Variants in RBFOX1 observed in about 807,000 individuals in gnomAD.
RBFOX1 encodes the protein RNA binding protein fox-1 homolog 1.
In RBFOX1, 8 loss-of-function variants were observed where a neutral mutation model predicts 57.7. The ratio of observed to expected loss-of-function variants is 0.14; its 90% CI spans 0.08 to 0.25. The LOEUF is 0.25. RBFOX1 is among the 10% of genes least tolerant of loss of function. RBFOX1 has a pLI of 1.00. For missense variants in RBFOX1, 611 were observed against 548.5 expected (o/e 1.11, Z -1.14); for synonymous variants, 326 against 222.4 (o/e 1.47, Z -4.15).
At chr16:6,819,363 C>G (rs926897845) in intron 3 of RBFOX1, among the ~76,000 whole-genome samples, 1 of 152,146 alleles carries the variant, frequency 6.6e-6, no homozygotes, top group Non-Finnish European at 1.5e-5. Flanking sequence ...AGTGAACACA[C>G]ACACACATCC....
chr16:7,149,513 G>T (rs912088358), intron 4 of RBFOX1, among the ~76,000 whole-genome samples: 3 of 134,576 alleles, frequency 2.2e-5, no homozygotes, highest in Admixed American at 1.6e-4. Context: ...CCCCGACAGG[G>T]TCTCATTCTA....
intron 4 of RBFOX1, among the ~76,000 whole-genome samples, chr16:6,013,502 C>T (rs1203704717): frequency 6.6e-6 from 1 of 152,096 alleles, no homozygotes; most frequent in Non-Finnish European, 1.5e-5. Flanking sequence ...GATTCTAAGC[C>T]TGGCTACATG....
chr16:7,624,823 T>G (rs2142227142), intron 10 of RBFOX1, among the ~76,000 whole-genome samples: 1 of 152,290 alleles, frequency 6.6e-6, no homozygotes, highest in Admixed American at 6.5e-5. Context: ...AGAGGTTTGT[T>G]GAGGTGATAC....
At chr16:7,437,202 CACAA>C (rs762476039) in intron 4 of RBFOX1, among the ~76,000 whole-genome samples, 2 of 151,970 alleles carry the variant, frequency 1.3e-5, no homozygotes, top group Admixed American at 6.6e-5. Flanking sequence ...AGTTCACAAT[CACAA>C]ACAAACATAC....
intron 4 of RBFOX1, among the ~76,000 whole-genome samples, chr16:7,141,982 C>T (rs2073902708): frequency 7.0e-6 from 1 of 142,328 alleles, no homozygotes; most frequent in Admixed American, 7.6e-5. Context: ...TCCTTCTTCT[C>T]CATCTTCTCC....
intron 3 of RBFOX1, among the ~76,000 whole-genome samples, chr16:5,795,676 A>G (rs2054853624): frequency 6.6e-6 from 1 of 152,118 alleles, no homozygotes; most frequent in Non-Finnish European, 1.5e-5. Context: ...TAACTCAAAT[A>G]TCATTTCTTC....
chr16:6,620,123 G>T (rs1224568866), intron 2 of RBFOX1, among the ~76,000 whole-genome samples: 1 of 152,036 alleles, frequency 6.6e-6, no homozygotes, highest in Admixed American at 6.6e-5. Flanking sequence ...TAGGCATTTA[G>T]GTTAAACTGA....
chr16:6,676,909 C>G (rs1426643104), intron 3 of RBFOX1, among the ~76,000 whole-genome samples: 1 of 151,972 alleles, frequency 6.6e-6, no homozygotes, highest in Non-Finnish European at 1.5e-5. Context: ...CCCTTGACCT[C>G]AGGTGATCTG....
At chr16:7,265,113 TAA>T (rs2095076103) in intron 4 of RBFOX1, among the ~76,000 whole-genome samples, 1 of 152,262 alleles carries the variant, frequency 6.6e-6, no homozygotes, top group South Asian at 2.1e-4. Context: ...GAATTACTAA[TAA>T]AGACTAGACT....
At chr16:6,916,937 C>T (rs1232517371) in intron 3 of RBFOX1, among the ~76,000 whole-genome samples, 2 of 152,156 alleles carry the variant, frequency 1.3e-5, no homozygotes, top group African/African-American at 4.8e-5. Context: ...GCAACCTCCA[C>T]CTTCCAGGTT....
At chr16:6,494,751 G>A (rs1167889625) in intron 2 of RBFOX1, among the ~76,000 whole-genome samples, 2 of 152,146 alleles carry the variant, frequency 1.3e-5, no homozygotes, top group Non-Finnish European at 2.9e-5. Context: ...TCAATATGTT[G>A]CACCCATTGG....
At chr16:7,704,373 C>G (rs1393687929) in intron 14 of RBFOX1, among the ~76,000 whole-genome samples, 1 of 152,140 alleles carries the variant, frequency 6.6e-6, no homozygotes. Context: ...TGCAAACTCA[C>G]AGAAATGATG....
chr16:5,598,201 G>A (rs1198793648), intron 2 of RBFOX1, among the ~76,000 whole-genome samples: 2 of 150,836 alleles, frequency 1.3e-5, no homozygotes, highest in Non-Finnish European at 2.9e-5. Flanking sequence ...GGGAGGTTGA[G>A]TGACAGAGGG....
chr16:7,113,760 T>C (rs542950752), intron 4 of RBFOX1, among the ~76,000 whole-genome samples: 1 of 152,294 alleles, frequency 6.6e-6, no homozygotes, highest in East Asian at 1.9e-4. Context: ...TGTTCTCTTT[T>C]TTTTGTATAT....
chr16:5,337,763 A>G (rs892215620), intron 1 of RBFOX1, among the ~76,000 whole-genome samples: 15 of 152,190 alleles, frequency 9.9e-5, no homozygotes, highest in African/African-American at 3.4e-4. Flanking sequence ...CATTGACTGA[A>G]GGTAGAAACT....
At chr16:7,465,055 C>G (rs1803840047) in intron 4 of RBFOX1, among the ~76,000 whole-genome samples, 1 of 152,038 alleles carries the variant, frequency 6.6e-6, no homozygotes, top group Non-Finnish European at 1.5e-5. Context: ...TCTTCCAGGG[C>G]ATGGCACGCC....
At chr16:6,405,200 C>G (rs922192804) in intron 2 of RBFOX1, among the ~76,000 whole-genome samples, 17 of 152,116 alleles carry the variant, frequency 1.1e-4, no homozygotes, top group African/African-American at 4.1e-4. Context: ...TATCTGTTAT[C>G]CTATCATACA....
chr16:6,845,760 C>G (rs145184091), intron 3 of RBFOX1, among the ~76,000 whole-genome samples: 1 of 152,210 alleles, frequency 6.6e-6, no homozygotes, highest in Non-Finnish European at 1.5e-5. Flanking sequence ...ACAACTCACA[C>G]TGGTCTTTTA....
chr16:5,258,347 A>G (rs1395950116), intron 1 of RBFOX1, among the ~76,000 whole-genome samples: 1 of 152,204 alleles, frequency 6.6e-6, no homozygotes, highest in Admixed American at 6.5e-5. Context: ...AGTTTACAGT[A>G]GTTATGTAAT....
Sources: allele counts gnomAD v4.1 joint callset (sites outside exome capture counted in the v4.1 genomes callset), GRCh38; gene constraint gnomAD v4.1.1; transcripts MANE v1.5; gene names NCBI Gene and HGNC (gene_info 2026-07-23, HGNC 2026-07-21).